Variants in KCNIP1 observed in about 807,000 individuals in gnomAD.
KCNIP1 encodes the protein A-type potassium channel modulatory protein KCNIP1.
KCNIP1 carries 18 observed loss-of-function variants against 33.0 expected under a neutral mutation model. That is an observed-to-expected ratio of 0.55 (90% CI 0.38 to 0.81). The LOEUF (loss-of-function observed/expected upper bound fraction) is 0.81, where lower values mean the gene tolerates loss of function less well. Ranked by LOEUF, KCNIP1 falls within the 30% of genes least tolerant of loss-of-function variation. The probability of loss-of-function intolerance (pLI) is 0.00; values close to 1 mark genes in which losing one functional copy is unlikely to be tolerated. For missense variants in KCNIP1, 238 were observed against 271.6 expected (o/e 0.88, Z 0.87); for synonymous variants, 93 against 98.3 (o/e 0.95, Z 0.32).
At chr5:170,725,492 C>A (rs965384474) in intron 5 of KCNIP1, among the ~76,000 whole-genome samples, 1 of 151,912 alleles carries the variant, frequency 6.6e-6, no homozygotes, top group East Asian at 1.9e-4. Flanking sequence ...AGATAGAGGG[C>A]AGAAGGACGG....
intron 1 of KCNIP1, among the ~76,000 whole-genome samples, chr5:170,534,711 G>C (rs1202954821): frequency 6.6e-6 from 1 of 151,724 alleles, no homozygotes; most frequent in Non-Finnish European, 1.5e-5. Flanking sequence ...TGTAGAAATG[G>C]GGGTCTCATT....
chr5:170,460,340 A>G (rs1439061261), intron 1 of KCNIP1, among the ~76,000 whole-genome samples: 1 of 152,194 alleles, frequency 6.6e-6, no homozygotes, highest in Non-Finnish European at 1.5e-5. Context: ...TCATCCTAGG[A>G]AGCCAGTGTC....
At chr5:170,360,879 C>T (rs1343972082) in intron 1 of KCNIP1, among the ~76,000 whole-genome samples, 1 of 152,212 alleles carries the variant, frequency 6.6e-6, no homozygotes, top group Non-Finnish European at 1.5e-5. Flanking sequence ...TGCCGAGCAA[C>T]ATCAGGCCAT....
chr5:170,576,635 T>G (rs1581348465), intron 1 of KCNIP1, among the ~76,000 whole-genome samples: 1 of 152,160 alleles, frequency 6.6e-6, no homozygotes, highest in Admixed American at 6.5e-5. Context: ...ACTTCAACTC[T>G]CCAAGCCTCT....
chr5:170,627,192 G>A (rs10068447), intron 1 of KCNIP1, among the ~76,000 whole-genome samples: 27,543 of 152,134 alleles, frequency 0.18, 2,695 homozygotes, highest in African/African-American at 0.21. Flanking sequence ...GCCATTCTCC[G>A]CAGCCCCTCA....
intron 7 of KCNIP1, 108 bp from the exon 8 acceptor site, chr5:170,735,651 A>G: frequency 1.1e-6 from 1 of 921,846 alleles, no homozygotes; most frequent in Non-Finnish European, 1.8e-6. Flanking sequence ...ACCCTTGTAG[A>G]GTTTTCTCCA....
intron 1 of KCNIP1, chr5:170,422,550 AT>A (rs58828010): frequency 0.32 from 48,411 of 151,990 alleles, 7,903 homozygotes; most frequent in African/African-American, 0.38. Flanking sequence ...GAGGAAAGTG[AT>A]TGGCTGGAGT....
At chr5:170,366,942 CTT>C (rs1205382359) in intron 1 of KCNIP1, among the ~76,000 whole-genome samples, 1 of 152,216 alleles carries the variant, frequency 6.6e-6, no homozygotes, top group Non-Finnish European at 1.5e-5. Context: ...TGCCTTGGCT[CTT>C]TTCTTAAGCT....
upstream of KCNIP1, among the ~76,000 whole-genome samples, chr5:170,502,369 G>T (rs766914494): frequency 7.9e-5 from 12 of 152,326 alleles, no homozygotes; most frequent in Middle Eastern, 3.4e-3. Context: ...CAAGTCACAG[G>T]CTACCTGTGG....
intron 1 of KCNIP1, among the ~76,000 whole-genome samples, chr5:170,424,675 C>A (rs1056554303): frequency 1.4e-4 from 21 of 152,300 alleles, no homozygotes; most frequent in African/African-American, 4.8e-4. Flanking sequence ...CTCCTGACTC[C>A]CCTGCCTCCA....
intron 1 of KCNIP1, among the ~76,000 whole-genome samples, chr5:170,709,456 G>A (rs1763371758): frequency 6.6e-6 from 1 of 152,180 alleles, no homozygotes; most frequent in Admixed American, 6.5e-5. Flanking sequence ...AAACATAGCT[G>A]TGCCAGTGTT....
At chr5:170,419,277 C>T (rs993887922) in intron 1 of KCNIP1, among the ~76,000 whole-genome samples, 17 of 152,080 alleles carry the variant, frequency 1.1e-4, no homozygotes, top group African/African-American at 4.1e-4. Context: ...AGCTGTGGAC[C>T]ACAGCAGGAC....
At chr5:170,541,597 C>T (rs2113381277) in intron 1 of KCNIP1, among the ~76,000 whole-genome samples, 1 of 152,362 alleles carries the variant, frequency 6.6e-6, no homozygotes, top group Non-Finnish European at 1.5e-5. Context: ...AGTACTTTGT[C>T]ATCTTCTTCT....
intron 1 of KCNIP1, among the ~76,000 whole-genome samples, chr5:170,492,897 C>A (rs1318348914): frequency 6.6e-6 from 1 of 152,150 alleles, no homozygotes. Flanking sequence ...CTACAGGTGC[C>A]CACCACCATG....
chr5:170,597,053 A>G (rs1758463865), intron 1 of KCNIP1, among the ~76,000 whole-genome samples: 1 of 152,220 alleles, frequency 6.6e-6, no homozygotes, highest in African/African-American at 2.4e-5. Flanking sequence ...AAGCTCATGC[A>G]GCTGCTAACA....
At chr5:170,480,320 T>C (rs190582647) in intron 1 of KCNIP1, among the ~76,000 whole-genome samples, 1 of 152,356 alleles carries the variant, frequency 6.6e-6, no homozygotes, top group East Asian at 1.9e-4. Flanking sequence ...CTGGGGTTAC[T>C]GATTCTTATT....
chr5:170,417,448 A>G (rs1755359795), intron 1 of KCNIP1, among the ~76,000 whole-genome samples: 1 of 152,178 alleles, frequency 6.6e-6, no homozygotes, highest in South Asian at 2.1e-4. Context: ...AGTAGACGCT[A>G]TGGCTGCTTT....
At chr5:170,404,453 G>C (rs1302602084) in intron 1 of KCNIP1, among the ~76,000 whole-genome samples, 1 of 152,122 alleles carries the variant, frequency 6.6e-6, no homozygotes, top group Non-Finnish European at 1.5e-5. Context: ...TGGTTCTTCT[G>C]GGCTGGGCTA....
At chr5:170,398,169 C>G (rs1187756688) in intron 1 of KCNIP1, among the ~76,000 whole-genome samples, 1 of 152,156 alleles carries the variant, frequency 6.6e-6, no homozygotes, top group East Asian at 1.9e-4. Context: ...CCCCTCTTTC[C>G]ATCATGACCT....
Sources: gnomAD v4.1 joint callset for allele counts (sites outside exome capture counted in the v4.1 genomes callset) on GRCh38, gnomAD v4.1.1 for gene constraint, MANE v1.5 for transcripts, NCBI Gene and HGNC (gene_info 2026-07-23, HGNC 2026-07-21) for gene names.